Variants in HERC1 observed in about 807,000 individuals in gnomAD.
HERC1 encodes HECT and RLD domain containing E3 ubiquitin protein ligase family member 1.
Under a neutral mutation model 554.3 loss-of-function variants are expected in HERC1, and 160 were observed. That is an observed-to-expected ratio of 0.29 (90% CI 0.25 to 0.33). HERC1 has a LOEUF of 0.33. Ranked by LOEUF, HERC1 falls within the 10% of genes least tolerant of loss-of-function variation. HERC1 has a pLI of 1.00. For missense variants in HERC1, 4,919 were observed against 5,918.5 expected (o/e 0.83, Z 5.54); for synonymous variants, 2,175 against 2,131.7 (o/e 1.02, Z -0.56).
chr15:63,731,496 A>T (rs988971378), intron 14 of HERC1, among the ~76,000 whole-genome samples: 2 of 152,092 alleles, frequency 1.3e-5, no homozygotes, highest in African/African-American at 4.8e-5. Flanking sequence ...TTTGGGAAAA[A>T]TTTTTGGTCA....
chr15:63,825,630 G>A (rs929153834), intron 1 of HERC1, among the ~76,000 whole-genome samples: 3 of 152,106 alleles, frequency 2.0e-5, no homozygotes, highest in Non-Finnish European at 4.4e-5. Flanking sequence ...ATTATTTGAA[G>A]TTTTTATAGC....
At chr15:63,629,098 C>T (rs951764519) in intron 69 of HERC1, among the ~76,000 whole-genome samples, 18 of 151,922 alleles carry the variant, frequency 1.2e-4, no homozygotes, top group African/African-American at 2.2e-4. Flanking sequence ...TACAGGTGCC[C>T]GCCACCACAC....
intron 12 of HERC1, among the ~76,000 whole-genome samples, chr15:63,736,199 T>C (rs534473707): frequency 2.0e-5 from 3 of 152,302 alleles, no homozygotes; most frequent in South Asian, 2.1e-4. Flanking sequence ...ATTTGTACTG[T>C]AGAATTCCTA....
Position 63,718,918 on chromosome 15 carries a change from T to C in HERC1, c.3743-21A>G, listed in dbSNP as rs775874902. 36 of 1,535,632 alleles carry C rather than the reference T, an allele frequency of 2.3e-5. No individual in the cohort carries two copies. Among genetic ancestry groups the C allele is most frequent in the Admixed American group, 1.1e-4 (6 of 56,088 alleles). On this transcript the variant is annotated intron_variant, in intron 19 of 77. Coordinates refer to ENST00000443617, the MANE Select transcript of HERC1 (RefSeq NM_003922.4). This position sits in a 1 kb window ranked among gnomAD's most constrained non-coding sequence, Gnocchi z 4.2. ...CCAATCTGAAAATAAAAATGATGCA[T>C]TGACATTTAAAAGGGCTCAGAAAAC...
chr15:63,624,069 G>T, intron 72 of HERC1, 89 bp downstream of exon 72: 1 of 1,355,492 alleles, frequency 7.4e-7, no homozygotes, highest in Non-Finnish European at 1.0e-6. Flanking sequence ...TGCCTTAGAA[G>T]TGAGGAAACC....
chr15:63,737,350 G>GAT lies in HERC1; in HGVS notation c.2521-2503_2521-2502dup, dbSNP rs142536163. 5.6e-3 allele frequency among the ~76,000 whole-genome samples: 766 copies of GAT among 135,730 alleles called. 26 individuals carry two copies. The highest frequency in any genetic ancestry group is 0.019 in the African/African-American group (666 of 35,672). The allele number at this position is 135,730 out of a possible 152,430, so 89.0% of individuals were successfully genotyped here. Reference sequence around the variant, plus strand: ...AGAAGAAATCAACAAAACACTTCCAGATATATATATATCTTTTTTCCAGAT... The same window carrying GAT: ...AGAAGAAATCAACAAAACACTTCCAGATATATATATATATCTTTTTTCCAGAT... On this transcript the variant is annotated intron_variant, in intron 12 of 77. Coordinates refer to ENST00000443617, the MANE Select transcript of HERC1 (RefSeq NM_003922.4).
intron 76 of HERC1, among the ~76,000 whole-genome samples, chr15:63,615,082 G>T (rs1228857787): frequency 6.6e-6 from 1 of 152,174 alleles, no homozygotes; most frequent in Non-Finnish European, 1.5e-5. Flanking sequence ...GCATTTGAAG[G>T]TTCATTTACG....
In HERC1 at chr15:63,733,101, G is replaced by A. The variant is rs755396362; in HGVS notation, c.2691C>T (p.Thr897=). The change falls in exon 14 of 78, where the codon ACC becomes ACT. Residue 897 remains threonine (T), a synonymous_variant. Coordinates refer to ENST00000443617, the MANE Select transcript of HERC1 (RefSeq NM_003922.4). ...TATAGCCAAGTAGGGAGGCTACGTGGGTATGATCTTGCAAACTTGTCAGGA... is the reference window on the plus strand; with the variant it reads ...TATAGCCAAGTAGGGAGGCTACGTGAGTATGATCTTGCAAACTTGTCAGGA... ...DIILTSLQDH[T]HVASLLGYSS... 1.2e-6 allele frequency: 2 copies of A among 1,613,598 alleles called. No homozygotes were observed. The highest frequency in any genetic ancestry group is 8.5e-7 in the Non-Finnish European group (1 of 1,179,762).
chr15:63,631,690 G>A (rs998120748), intron 68 of HERC1, among the ~76,000 whole-genome samples: 1 of 152,156 alleles, frequency 6.6e-6, no homozygotes, highest in African/African-American at 2.4e-5. Flanking sequence ...ACAGGCGCCT[G>A]CCACCACGCT....
intron 12 of HERC1, among the ~76,000 whole-genome samples, chr15:63,743,823 T>A (rs1167501719): frequency 6.6e-6 from 1 of 152,206 alleles, no homozygotes; most frequent in African/African-American, 2.4e-5. Context: ...CCTTGGTGCC[T>A]TCTTTGGTTC....
At chr15:63,673,240 T>G (rs6494424) in intron 38 of HERC1, among the ~76,000 whole-genome samples, 123,570 of 151,828 alleles carry the variant, frequency 0.81, 52,147 homozygotes, top group Non-Finnish European at 0.88. Flanking sequence ...TGTTAAGGAA[T>G]CCTACAAATA....
At chr15:63,814,057 C>G (rs1011123402) in intron 1 of HERC1, among the ~76,000 whole-genome samples, 4 of 151,778 alleles carry the variant, frequency 2.6e-5, no homozygotes, top group African/African-American at 9.7e-5. Flanking sequence ...AAAACTCCAT[C>G]TCAAAAAACA....
intron 1 of HERC1, among the ~76,000 whole-genome samples, chr15:63,798,893 G>A (rs1303789726): frequency 2.6e-5 from 4 of 152,074 alleles, no homozygotes; most frequent in Non-Finnish European, 4.4e-5. Flanking sequence ...TTACTTCAGT[G>A]GATTTATAAA....
At chr15:63,768,307 T>C (rs1015462614) in intron 2 of HERC1, among the ~76,000 whole-genome samples, 21 of 152,242 alleles carry the variant, frequency 1.4e-4, no homozygotes, top group Admixed American at 1.2e-3. Flanking sequence ...AATCAGTAAG[T>C]AGAGAAGAAG....
Position 63,747,416 on chromosome 15 carries a change from T to C in HERC1, c.2354+308A>G, listed in dbSNP as rs142470603. On this transcript the variant is annotated intron_variant, in intron 11 of 77. Coordinates refer to ENST00000443617, the MANE Select transcript of HERC1 (RefSeq NM_003922.4). ...CAGAGGCTGCAGTGAACTGAGATCA[T>C]GCCACTGCACTCTAGCCTGGGCGAC... 1.4e-3 allele frequency among the ~76,000 whole-genome samples: 209 copies of C among 151,944 alleles called. 1 individual carries two copies. Among genetic ancestry groups the C allele is most frequent in the African/African-American group, 4.7e-3 (196 of 41,430 alleles).
Position 63,680,715 on chromosome 15 carries a change from G to A in HERC1, c.6287C>T (p.Pro2096Leu). ...EGTCVGVSRW[P>L]VHDFNHRTTS... Reference sequence around the variant, plus strand: ...AGTGCGGTGATTAAAGTCATGTACTGGCCAGCGAGAAACTCCAACACACGT... The same window carrying A: ...AGTGCGGTGATTAAAGTCATGTACTAGCCAGCGAGAAACTCCAACACACGT... Residue 2096 changes from proline to leucine, a missense_variant, in exon 35 of 78, where the codon CCA (proline) becomes CTA (leucine). Pro to Leu is a moderately conservative substitution (Grantham distance 98). Coordinates refer to ENST00000443617, the MANE Select transcript of HERC1 (RefSeq NM_003922.4). This position sits in a 1 kb window ranked among gnomAD's most constrained non-coding sequence, Gnocchi z 5.8. 6.2e-7 allele frequency: 1 copy of A among 1,613,134 alleles called. No homozygotes were observed. The highest frequency in any genetic ancestry group is 8.5e-7 in the Non-Finnish European group (1 of 1,179,248).
chr15:63,684,822 A>C (rs1168366993), intron 34 of HERC1, among the ~76,000 whole-genome samples: 1 of 152,206 alleles, frequency 6.6e-6, no homozygotes. Context: ...AGCCTGGCCA[A>C]CATGGCAAAA....
intron 43 of HERC1, among the ~76,000 whole-genome samples, chr15:63,664,067 C>T (rs552002878): frequency 6.6e-6 from 1 of 152,306 alleles, no homozygotes; most frequent in East Asian, 1.9e-4. Context: ...GCCCTAACAA[C>T]CACAGAGCAG....
At chr15:63,623,602 T>G in intron 73 of HERC1, 123 bp downstream of exon 73, 1 of 930,526 alleles carries the variant, frequency 1.1e-6, no homozygotes, top group Admixed American at 2.1e-5. Flanking sequence ...TCACTTTATA[T>G]GAGGCTCACA....
Sources: allele counts gnomAD v4.1 joint callset (sites outside exome capture counted in the v4.1 genomes callset), GRCh38; gene constraint gnomAD v4.1.1; non-coding constraint Gnocchi (gnomAD v3.1); transcripts MANE v1.5; gene names NCBI Gene and HGNC (gene_info 2026-07-23, HGNC 2026-07-21).